Variants in FHIP1A observed in about 807,000 individuals in gnomAD.
The protein encoded by FHIP1A is FHF complex subunit HOOK-interacting protein 1A.
A neutral mutation model predicts 88.6 loss-of-function variants in FHIP1A; 61 were observed. That is an observed-to-expected ratio of 0.69 (90% CI 0.56 to 0.85). The LOEUF (loss-of-function observed/expected upper bound fraction) is 0.85. Among genes scored for constraint, FHIP1A ranks in the 40% least tolerant of loss-of-function variants. FHIP1A has a pLI of 0.00. For missense variants in FHIP1A, 1,154 were observed against 1,273.5 expected, an observed-to-expected ratio of 0.91 and a Z score of 1.43; for synonymous variants, 478 against 496.0, an observed-to-expected ratio of 0.96 and a Z score of 0.48.
chr4:151,581,153 C>T (rs548686440), intron 5 of FHIP1A, among the ~76,000 whole-genome samples: 3 of 152,280 alleles, frequency 2.0e-5, no homozygotes, highest in Admixed American at 6.5e-5. Flanking sequence ...CCACTGCGCC[C>T]GTCCAGAGTT....
At chr4:151,489,765 C>G (rs1045747307) in intron 3 of FHIP1A, among the ~76,000 whole-genome samples, 2 of 152,116 alleles carry the variant, frequency 1.3e-5, no homozygotes, top group Non-Finnish European at 2.9e-5. Flanking sequence ...GAACATAGCT[C>G]TATTGGCCTG....
At chr4:151,563,875 C>T (rs55977324) in intron 3 of FHIP1A, among the ~76,000 whole-genome samples, 43,232 of 151,876 alleles carry the variant, frequency 0.28, 6,380 homozygotes, top group Non-Finnish European at 0.33. Context: ...TGCCTGTAGT[C>T]CCAGCTAGTC....
In FHIP1A at chr4:151,482,525, T is replaced by G. The variant is rs1729934825; in HGVS notation, c.-246T>G. 6.6e-6 allele frequency: 1 copy of G among 151,978 alleles called. No individual in the cohort carries two copies. Among genetic ancestry groups the G allele is most frequent in the Non-Finnish European group, 1.5e-5 (1 of 67,910 alleles). 9.4% of individuals were successfully genotyped at this position (151,978 alleles called of 1,614,324 possible). ...TATTATTTTTATTCCTCTTCATAGA[T>G]TTTTAAAGTCTTCTTCTAGGGGTTT... On this transcript the variant is annotated splice_region_variant and 5_prime_UTR_variant, in exon 3 of 14. Coordinates refer to ENST00000435205, the MANE Select transcript of FHIP1A (RefSeq NM_001109977.3).
chr4:151,484,005 T>C lies in FHIP1A; in HGVS notation c.-123+1357T>C, dbSNP rs10005333. On this transcript the variant is annotated intron_variant, in intron 3 of 13. Transcript: ENST00000435205. The stretch of plus-strand genomic sequence containing the variant: ...AAGTTTTATGTTAGCATTTGTTGGG[T>C]AATGACTTCTTAAATTCGGGATTTG... Among the ~76,000 whole-genome samples, 4 of 152,208 alleles carry C rather than the reference T, an allele frequency of 2.6e-5. No homozygotes were observed. The East Asian group carries it at 7.7e-4, about 29-fold the overall frequency.
intron 8 of FHIP1A, among the ~76,000 whole-genome samples, chr4:151,632,996 A>C (rs1419191786): frequency 6.6e-6 from 1 of 151,936 alleles, no homozygotes; most frequent in Non-Finnish European, 1.5e-5. Flanking sequence ...CAATGAAATA[A>C]AGAATAGAAA....
Position 151,662,793 on chromosome 4 carries a change from A to C in FHIP1A, c.*39A>C. The C allele has an allele frequency of 7.0e-7, 1 of 1,430,008 alleles. No homozygotes were observed. Among genetic ancestry groups the C allele is most frequent in the Non-Finnish European group, 9.2e-7 (1 of 1,087,158 alleles). The allele number at this position is 1,430,008 out of a possible 1,614,324, so 88.6% of individuals were successfully genotyped here. On this transcript the variant is annotated 3_prime_UTR_variant, in exon 14 of 14. Transcript: ENST00000435205. ...TTTTAATAGAGGTTCTTGTTTTGTA[A>C]GGTTTTAGTGTCTTGACTGAATGTT...
At chr4:151,647,563 T>A (rs1189761386) in intron 10 of FHIP1A, among the ~76,000 whole-genome samples, 1 of 152,224 alleles carries the variant, frequency 6.6e-6, no homozygotes, top group Non-Finnish European at 1.5e-5. Flanking sequence ...GTTACTTGAC[T>A]AAGAAAATGT....
chr4:151,428,672 C>T (rs987349938), intron 1 of FHIP1A, among the ~76,000 whole-genome samples: 14 of 152,180 alleles, frequency 9.2e-5, no homozygotes, highest in Admixed American at 8.5e-4. Flanking sequence ...ACGTGCAAGG[C>T]TCCCCAACTG....
intron 1 of FHIP1A, among the ~76,000 whole-genome samples, chr4:151,425,222 GC>G (rs1174576263): frequency 1.3e-5 from 2 of 152,144 alleles, no homozygotes; most frequent in African/African-American, 4.8e-5. Flanking sequence ...TTTATAAGAA[GC>G]ACAGGAAAAG....
chr4:151,480,192 C>T (rs779472144), intron 2 of FHIP1A, among the ~76,000 whole-genome samples: 1 of 152,074 alleles, frequency 6.6e-6, no homozygotes, highest in Non-Finnish European at 1.5e-5. Flanking sequence ...TCAAAGGACT[C>T]GGCTTCCTTT....
chr4:151,421,747 C>A (rs1448430836), intron 1 of FHIP1A, among the ~76,000 whole-genome samples: 1 of 151,948 alleles, frequency 6.6e-6, no homozygotes, highest in Non-Finnish European at 1.5e-5. Flanking sequence ...TGCTGAAGAC[C>A]CCTGTTTCTA....
chr4:151,437,710 G>C (rs1361001869), intron 1 of FHIP1A, among the ~76,000 whole-genome samples: 1 of 152,066 alleles, frequency 6.6e-6, no homozygotes, highest in Non-Finnish European at 1.5e-5. Flanking sequence ...CCCATGGGTG[G>C]ACACACCCAT....
chr4:151,569,815 G>C (rs1405263615), intron 4 of FHIP1A, among the ~76,000 whole-genome samples: 1 of 152,160 alleles, frequency 6.6e-6, no homozygotes, highest in Non-Finnish European at 1.5e-5. Context: ...TGTGATTCTG[G>C]AGAGTTGCCA....
chr4:151,503,839 G>A (rs1192244813), intron 3 of FHIP1A, among the ~76,000 whole-genome samples: 1 of 152,084 alleles, frequency 6.6e-6, no homozygotes, highest in Non-Finnish European at 1.5e-5. Flanking sequence ...GACTCCCTGT[G>A]GGCAGATCTT....
intron 7 of FHIP1A, among the ~76,000 whole-genome samples, chr4:151,590,210 A>G (rs1734371650): frequency 6.6e-6 from 1 of 152,184 alleles, no homozygotes; most frequent in South Asian, 2.1e-4. Flanking sequence ...CTTTGGCAGT[A>G]ATTATCCATA....
At chr4:151,436,700 C>G (rs1728217579) in intron 1 of FHIP1A, among the ~76,000 whole-genome samples, 1 of 152,080 alleles carries the variant, frequency 6.6e-6, no homozygotes, top group African/African-American at 2.4e-5. Flanking sequence ...TAAACCTGTG[C>G]TAGTCTAAAT....
In FHIP1A at chr4:151,663,988, G is replaced by A. The variant is rs558601610; in HGVS notation, c.*1234G>A. On this transcript the variant is annotated 3_prime_UTR_variant, in exon 14 of 14. Coordinates refer to ENST00000435205, the MANE Select transcript of FHIP1A (RefSeq NM_001109977.3). ...AGGCAGGATTATACTTAGAGCCACA[G>A]CCATGTTAAACCACCACCAAGAGGG... Among the ~76,000 whole-genome samples, 6 of 152,308 alleles carry A rather than the reference G, an allele frequency of 3.9e-5. No individual in the cohort carries two copies. The South Asian group carries it at 1.2e-3, about 32-fold the overall frequency.
intron 1 of FHIP1A, among the ~76,000 whole-genome samples, chr4:151,451,204 A>G (rs1355893727): frequency 6.6e-6 from 1 of 151,662 alleles, no homozygotes; most frequent in African/African-American, 2.4e-5. Flanking sequence ...TCTTTTTCTT[A>G]TTGATTTTTA....
chr4:151,503,136 C>T (rs1399781221), intron 3 of FHIP1A, among the ~76,000 whole-genome samples: 1 of 152,092 alleles, frequency 6.6e-6, no homozygotes, highest in Non-Finnish European at 1.5e-5. Flanking sequence ...AAGAAAGTGA[C>T]TTTTTATTCC....
Sources: gnomAD v4.1 joint callset for allele counts (sites outside exome capture counted in the v4.1 genomes callset) on GRCh38, gnomAD v4.1.1 for gene constraint, MANE v1.5 for transcripts, NCBI Gene and HGNC (gene_info 2026-07-23, HGNC 2026-07-21) for gene names.